SUGCT: variants seen among roughly 807,000 people sequenced by gnomAD.
SUGCT encodes succinyl-CoA:glutarate CoA-transferase.
A neutral mutation model predicts 55.0 loss-of-function variants in SUGCT; 41 were observed. The ratio of observed to expected loss-of-function variants is 0.74; its 90% CI spans 0.58 to 0.97. The LOEUF (loss-of-function observed/expected upper bound fraction) is 0.97, where lower values mean the gene tolerates loss of function less well. Ranked by LOEUF, SUGCT falls within the 50% of genes least tolerant of loss-of-function variation. SUGCT has a pLI of 0.00. For missense variants in SUGCT, 568 were observed against 547.8 expected, an observed-to-expected ratio of 1.04 and a Z score of -0.37; for synonymous variants, 187 against 200.4, an observed-to-expected ratio of 0.93 and a Z score of 0.56.
intron 12 of SUGCT, among the ~76,000 whole-genome samples, chr7:40,603,765 T>C (rs2151758076): frequency 6.6e-6 from 1 of 152,336 alleles, no homozygotes; most frequent in Middle Eastern, 3.4e-3. Flanking sequence ...CCATGCCCTA[T>C]CATAATTAGT....
the SUGCT span, among the ~76,000 whole-genome samples, chr7:40,878,165 T>G: frequency 6.6e-6 from 1 of 152,248 alleles, no homozygotes; most frequent in Admixed American, 6.5e-5. Flanking sequence ...TACTACCTCT[T>G]ATTTTTCCAT....
At chr7:40,299,029 A>G (rs1164460585) in intron 8 of SUGCT, among the ~76,000 whole-genome samples, 1 of 152,210 alleles carries the variant, frequency 6.6e-6, no homozygotes. Context: ...GCTTCTAAAG[A>G]TGGTATTTCA....
the SUGCT span, among the ~76,000 whole-genome samples, chr7:40,911,567 C>CAAA: frequency 5.6e-5 from 7 of 124,972 alleles, no homozygotes; most frequent in East Asian, 1.0e-3. Flanking sequence ...GACCCTGTCT[C>CAAA]AAAAAAAAAA....
intron 11 of SUGCT, among the ~76,000 whole-genome samples, chr7:40,472,763 A>G (rs1367505128): frequency 6.6e-6 from 1 of 152,144 alleles, no homozygotes; most frequent in African/African-American, 2.4e-5. Flanking sequence ...GGCACAGAAC[A>G]TGGAGGTCAA....
intron 1 of SUGCT, among the ~76,000 whole-genome samples, chr7:40,152,081 G>A (rs535392786): frequency 2.0e-3 from 306 of 152,288 alleles, no homozygotes; most frequent in African/African-American, 6.8e-3. Context: ...CCAGTGTTAG[G>A]TTTTACAATA....
At chr7:40,141,523 A>G (rs1357057748) in intron 1 of SUGCT, among the ~76,000 whole-genome samples, 2 of 151,726 alleles carry the variant, frequency 1.3e-5, no homozygotes, top group East Asian at 3.9e-4. Flanking sequence ...AATCCCAGCT[A>G]CTTGGGAGGC....
the SUGCT span, among the ~76,000 whole-genome samples, chr7:40,956,260 GT>G: frequency 6.6e-6 from 1 of 151,642 alleles, no homozygotes; most frequent in East Asian, 1.9e-4. Context: ...CTGGTCTTTG[GT>G]TTTTTTTGGT....
chr7:40,597,299 T>C (rs1370298527), intron 12 of SUGCT, among the ~76,000 whole-genome samples: 13 of 152,222 alleles, frequency 8.5e-5, no homozygotes, highest in Admixed American at 8.5e-4. Flanking sequence ...GAGATAGAAC[T>C]GTGCAATTGT....
the SUGCT span, chr7:40,965,527 G>A: frequency 3.9e-5 from 6 of 151,996 alleles, no homozygotes; most frequent in Non-Finnish European, 7.4e-5. Context: ...AATAAAGATG[G>A]TTTCACTTTA....
rs537616248 is a variant in SUGCT, at chr7:40,662,073, GC to G, written c.1090-87357del. 2.4e-3 allele frequency among the ~76,000 whole-genome samples: 365 copies of G among 152,268 alleles called. 2 individuals are homozygous for G. Among genetic ancestry groups the G allele is most frequent in the African/African-American group, 8.5e-3 (353 of 41,558 alleles). ...TTTTTGTCAAACGTATCTCCCCCTT[GC>G]CCCAAAGCAAGCTTTTCTCTTTTCA... On this transcript the variant is annotated intron_variant, in intron 12 of 13. Transcript: ENST00000335693.
intron 9 of SUGCT, among the ~76,000 whole-genome samples, chr7:40,434,331 G>T (rs571977532): frequency 4.6e-5 from 7 of 152,120 alleles, no homozygotes; most frequent in Admixed American, 1.3e-4. Context: ...CAATAGTTGA[G>T]GTACATTTGG....
intron 7 of SUGCT, among the ~76,000 whole-genome samples, chr7:40,267,693 A>G (rs1442949093): frequency 1.1e-4 from 16 of 151,932 alleles, no homozygotes; most frequent in Non-Finnish European, 1.5e-5. Flanking sequence ...CCCTTCTCTG[A>G]TTTTGTCTTC....
chr7:40,557,527 C>G (rs544710696), intron 12 of SUGCT, among the ~76,000 whole-genome samples: 3 of 152,184 alleles, frequency 2.0e-5, no homozygotes, highest in Non-Finnish European at 1.5e-5. Context: ...AATCCCAGCA[C>G]TTTGGTATGC....
At chr7:40,989,694 C>A in the SUGCT span, among the ~76,000 whole-genome samples, 5 of 152,094 alleles carry the variant, frequency 3.3e-5, no homozygotes, top group African/African-American at 1.2e-4. Flanking sequence ...TCGCTGGAAC[C>A]TGGGAGGCAG....
intron 11 of SUGCT, among the ~76,000 whole-genome samples, chr7:40,467,966 CTTT>C (rs79872831): frequency 1.0e-4 from 13 of 124,326 alleles, no homozygotes; most frequent in East Asian, 2.3e-4. Flanking sequence ...TACTCATTTT[CTTT>C]TTTTTTTTTT....
At chr7:40,977,758 T>C in the SUGCT span, among the ~76,000 whole-genome samples, 2,513 of 152,300 alleles carry the variant, frequency 0.017, 73 homozygotes, top group African/African-American at 0.057. Context: ...TGGTGTTTGC[T>C]TTTTCCTCTA....
chr7:40,633,944 C>G (rs1026335827), intron 12 of SUGCT, among the ~76,000 whole-genome samples: 54 of 151,914 alleles, frequency 3.6e-4, no homozygotes, highest in African/African-American at 1.1e-3. Context: ...CTTGTTTTAC[C>G]TTCTTCTGTC....
chr7:40,308,230 G>A (rs1200800732), intron 8 of SUGCT, among the ~76,000 whole-genome samples: 1 of 152,106 alleles, frequency 6.6e-6, no homozygotes, highest in Non-Finnish European at 1.5e-5. Context: ...CTCACTACTC[G>A]GGTGAAAGGG....
At chr7:41,008,826 T>A in the SUGCT span, among the ~76,000 whole-genome samples, 1 of 151,924 alleles carries the variant, frequency 6.6e-6, no homozygotes, top group Non-Finnish European at 1.5e-5. Flanking sequence ...CAGGATGCAG[T>A]GGTGCTTGTT....
Sources: gnomAD v4.1 joint callset for allele counts (sites outside exome capture counted in the v4.1 genomes callset) on GRCh38, gnomAD v4.1.1 for gene constraint, MANE v1.5 for transcripts, NCBI Gene and HGNC (gene_info 2026-07-23, HGNC 2026-07-21) for gene names.